The following ZNF585A variants were observed in gnomAD, a reference collection of about 807,000 sequenced individuals.
ZNF585A encodes zinc finger protein 585A.
ZNF585A carries 9 observed loss-of-function variants against 14.9 expected under a neutral mutation model. The observed-to-expected ratio is 0.60, with a 90% CI of 0.36 to 1.05. The LOEUF (loss-of-function observed/expected upper bound fraction) is 1.05, where lower values mean the gene tolerates loss of function less well. Ranked by LOEUF, ZNF585A falls within the 50% of genes least tolerant of loss-of-function variation. The pLI, the probability that ZNF585A is intolerant of heterozygous loss-of-function variation, is 0.01. For missense variants in ZNF585A, 726 were observed against 926.4 expected (o/e 0.78, Z 2.81); for synonymous variants, 276 against 319.9 (o/e 0.86, Z 1.46).
intron 2 of ZNF585A, chr19:37,165,686 C>G: frequency 1.0e-6 from 1 of 982,262 alleles, no homozygotes. Context: ...TTTCAGGCAT[C>G]AAGGTTAACA....
chr19:37,160,451 G>A (rs557742471), intron 2 of ZNF585A, among the ~76,000 whole-genome samples: 3 of 151,484 alleles, frequency 2.0e-5, no homozygotes, highest in African/African-American at 7.2e-5. Context: ...ATAAAAAGTA[G>A]AAATCAACAA....
intron 2 of ZNF585A, among the ~76,000 whole-genome samples, chr19:37,164,320 G>A (rs999182333): frequency 6.6e-5 from 10 of 151,840 alleles, no homozygotes; most frequent in African/African-American, 1.7e-4. Context: ...GGAGAATGGC[G>A]TGGACCCGGG....
Position 37,152,014 on chromosome 19 carries a change from T to C in ZNF585A, c.1885A>G (p.Thr629Ala), listed in dbSNP as rs1485666341. 1 of 1,613,526 alleles carries C rather than the reference T, an allele frequency of 6.2e-7. No homozygotes were observed. Among genetic ancestry groups the C allele is most frequent in the Non-Finnish European group, 8.5e-7 (1 of 1,179,676 alleles). ...SQLLVHQPVH[T>A]GEKPYVCAEC... ...GCACACACATAGGGTTTCTCTCCTG[T>C]GTGAACTGGCTGATGCACCAGGAGC... Residue 629 changes from threonine to alanine, a missense_variant, in exon 5 of 5, where the codon ACA (threonine) becomes GCA (alanine). Thr to Ala is a moderately conservative substitution (Grantham distance 58). Coordinates refer to ENST00000292841, the MANE Select transcript of ZNF585A (RefSeq NM_001288800.2).
intron 4 of ZNF585A, among the ~76,000 whole-genome samples, chr19:37,155,591 G>A (rs1440236667): frequency 1.3e-5 from 2 of 151,950 alleles, no homozygotes; most frequent in Non-Finnish European, 2.9e-5. Context: ...GGAGGCGGGG[G>A]TTGTAGTGAG....
intron 1 of ZNF585A, among the ~76,000 whole-genome samples, chr19:37,171,764 G>T (rs1972186143): frequency 6.6e-6 from 1 of 152,058 alleles, no homozygotes; most frequent in South Asian, 2.1e-4. Context: ...TTAGCTGGGC[G>T]TGGTGGCGGG....
chr19:37,167,491 A>AG (rs1972110434), intron 2 of ZNF585A, among the ~76,000 whole-genome samples: 1 of 152,168 alleles, frequency 6.6e-6, no homozygotes, highest in Admixed American at 6.5e-5. Flanking sequence ...TTGTGGTAAA[A>AG]ATACACATAA....
At chr19:37,159,092 T>C (rs1971973549) in intron 2 of ZNF585A, among the ~76,000 whole-genome samples, 1 of 151,490 alleles carries the variant, frequency 6.6e-6, no homozygotes, top group Admixed American at 6.6e-5. Flanking sequence ...TACCAAAAAA[T>C]ACAAAAATTA....
At chr19:37,165,054 T>TA (rs754165148) in intron 2 of ZNF585A, among the ~76,000 whole-genome samples, 6 of 152,178 alleles carry the variant, frequency 3.9e-5, no homozygotes, top group Non-Finnish European at 7.4e-5. Context: ...GTGGGGTAGT[T>TA]AATGTTCTAG....
chr19:37,163,445 T>TA (rs367729509), intron 2 of ZNF585A, among the ~76,000 whole-genome samples: 38,411 of 117,088 alleles, frequency 0.33, 5,475 homozygotes, highest in Non-Finnish European at 0.38. Flanking sequence ...AGTAAAAAAG[T>TA]AAAAAAAAAA....
Position 37,155,853 on chromosome 19 carries a change from C to T in ZNF585A, c.292+12G>A, listed in dbSNP as rs148950464. The T allele has an allele frequency of 0.021, 33,501 of 1,612,112 alleles. 427 individuals carry two copies. Among genetic ancestry groups the T allele is most frequent in the Middle Eastern group, 0.028 (123 of 4,462 alleles). On this transcript the variant is annotated intron_variant, in intron 4 of 4. Transcript: ENST00000292841. Reference sequence around the variant, plus strand: ...ATCTCCCATCTACCGGATTCACACTCGCTTCACTCACCTGGGCAGCTCTGA... The same window carrying T: ...ATCTCCCATCTACCGGATTCACACTTGCTTCACTCACCTGGGCAGCTCTGA...
intron 2 of ZNF585A, 131 bp downstream of exon 2, chr19:37,169,708 G>T: frequency 1.0e-6 from 1 of 972,758 alleles, no homozygotes; most frequent in South Asian, 1.7e-5. Flanking sequence ...TTTGTTTCAG[G>T]AGCAGCAGGT....
chr19:37,157,732 T>C (rs1202927261), intron 2 of ZNF585A, among the ~76,000 whole-genome samples: 1 of 152,178 alleles, frequency 6.6e-6, no homozygotes, highest in Non-Finnish European at 1.5e-5. Flanking sequence ...GAGAAGTCTG[T>C]CTGATGTGTC....
rs548117955 is a variant in ZNF585A, at chr19:37,149,006, C to T, written c.*2583G>A. 1.3e-5 allele frequency: 2 copies of T among 152,256 alleles called. No individual in the cohort carries two copies. The highest frequency in any genetic ancestry group is 3.9e-4 in the East Asian group (2 of 5,180). 9.4% of individuals were successfully genotyped at this position (152,256 alleles called of 1,614,324 possible). On this transcript the variant is annotated 3_prime_UTR_variant, in exon 5 of 5. Coordinates refer to ENST00000292841, the MANE Select transcript of ZNF585A (RefSeq NM_001288800.2). ...AGGATTAGAGGAGATGAAGGGATGA[C>T]AGGCAGAACACAGAGGATTTTTAGG...
chr19:37,165,944 C>A (rs1333634801), intron 2 of ZNF585A, among the ~76,000 whole-genome samples: 1 of 152,064 alleles, frequency 6.6e-6, no homozygotes, highest in Non-Finnish European at 1.5e-5. Context: ...ATATTTTTGG[C>A]ATGATTTTGT....
chr19:37,160,676 T>C (rs965536794), intron 2 of ZNF585A, among the ~76,000 whole-genome samples: 3 of 151,952 alleles, frequency 2.0e-5, no homozygotes, highest in Admixed American at 2.0e-4. Context: ...TCCAAGCTAA[T>C]AAATTCAATA....
intron 4 of ZNF585A, among the ~76,000 whole-genome samples, chr19:37,155,239 C>A (rs1397735871): frequency 1.3e-5 from 2 of 151,866 alleles, no homozygotes; most frequent in Non-Finnish European, 2.9e-5. Flanking sequence ...CTGCCCGCCT[C>A]GGCCTCCCAA....
intron 2 of ZNF585A, among the ~76,000 whole-genome samples, chr19:37,169,421 G>A (rs1165839964): frequency 2.2e-5 from 3 of 139,216 alleles, no homozygotes; most frequent in Non-Finnish European, 4.7e-5. Context: ...ACCAATATCC[G>A]AAAAACAGAA....
At position 37,152,634 on chromosome 19, in the gene ZNF585A, T is replaced by C. The variant is rs1971854521; in HGVS notation, c.1265A>G (p.Lys422Arg). ...CMKCGLAFIQ[K>R]AHLIAHQIIH... ...TATTTGATGTGCAATCAAGTGTGCC[T>C]TCTGAATGAAGGCCAGTCCACATTT... Residue 422 changes from lysine to arginine, a missense_variant, in exon 5 of 5, where the codon AAG becomes AGG. Coordinates refer to ENST00000292841, the MANE Select transcript of ZNF585A (RefSeq NM_001288800.2). 1 of 1,614,024 alleles carries C rather than the reference T, an allele frequency of 6.2e-7. No homozygotes were observed. The highest frequency in any genetic ancestry group is 1.3e-5 in the African/African-American group (1 of 74,916).
intron 2 of ZNF585A, among the ~76,000 whole-genome samples, chr19:37,168,913 G>C (rs945728548): frequency 2.0e-5 from 3 of 152,158 alleles, no homozygotes; most frequent in African/African-American, 7.2e-5. Context: ...ATAGAACTAA[G>C]CAATCAAAGA....
Sources: allele counts gnomAD v4.1 joint callset (sites outside exome capture counted in the v4.1 genomes callset), GRCh38; gene constraint gnomAD v4.1.1; transcripts MANE v1.5; gene names NCBI Gene and HGNC (gene_info 2026-07-23, HGNC 2026-07-21).